DSCAM: variants seen among roughly 807,000 people sequenced by gnomAD.
DSCAM encodes the protein cell adhesion molecule DSCAM.
In DSCAM, 47 loss-of-function variants were observed where a neutral mutation model predicts 217.7. The ratio of observed to expected loss-of-function variants is 0.22; its 90% CI spans 0.17 to 0.28. DSCAM has a LOEUF of 0.28. Ranked by LOEUF, DSCAM falls within the 10% of genes least tolerant of loss-of-function variation. DSCAM has a pLI of 1.00. For synonymous variants in DSCAM, 1,056 were observed against 1,015.3 expected, an observed-to-expected ratio of 1.04 and a Z score of -0.76; for missense variants, 2,080 against 2,618.3, an observed-to-expected ratio of 0.79 and a Z score of 4.49.
intron 3 of DSCAM, among the ~76,000 whole-genome samples, chr21:40,488,503 G>A (rs1378290419): frequency 6.6e-6 from 1 of 152,174 alleles, no homozygotes; most frequent in Non-Finnish European, 1.5e-5. Flanking sequence ...TTCAGGGGGA[G>A]AGGTAAGCTT....
chr21:40,332,810 TA>T (rs559192470), intron 8 of DSCAM, among the ~76,000 whole-genome samples: 9 of 151,940 alleles, frequency 5.9e-5, no homozygotes, highest in African/African-American at 1.9e-4. Context: ...ATCTTTGAAA[TA>T]AAAAAAATTG....
At chr21:40,148,630 C>G (rs1174344205) in intron 16 of DSCAM, among the ~76,000 whole-genome samples, 2 of 152,014 alleles carry the variant, frequency 1.3e-5, no homozygotes, top group Non-Finnish European at 2.9e-5. Flanking sequence ...CACCACCAAT[C>G]AATGCTTACC....
intron 3 of DSCAM, among the ~76,000 whole-genome samples, chr21:40,521,901 G>T (rs1230352291): frequency 6.6e-6 from 1 of 152,172 alleles, no homozygotes; most frequent in South Asian, 2.1e-4. Context: ...TGATGGATAT[G>T]CTAATTATCC....
intron 1 of DSCAM, among the ~76,000 whole-genome samples, chr21:40,769,002 A>C (rs2091421089): frequency 6.6e-6 from 1 of 152,228 alleles, no homozygotes; most frequent in Non-Finnish European, 1.5e-5. Flanking sequence ...AGGGTGAAGT[A>C]GTATGGTGAC....
chr21:40,344,618 A>C (rs957517869), intron 6 of DSCAM, among the ~76,000 whole-genome samples: 2 of 152,218 alleles, frequency 1.3e-5, no homozygotes, highest in Non-Finnish European at 2.9e-5. Flanking sequence ...GTCCTCCAAA[A>C]TATCCGATGA....
intron 11 of DSCAM, among the ~76,000 whole-genome samples, chr21:40,233,544 G>A (rs73225020): frequency 0.011 from 1,743 of 152,126 alleles, 16 homozygotes; most frequent in Middle Eastern, 0.024. Context: ...AACACATTAC[G>A]TATGCTGTTG....
chr21:40,762,150 C>T (rs998530456), intron 1 of DSCAM, among the ~76,000 whole-genome samples: 2 of 151,800 alleles, frequency 1.3e-5, no homozygotes, highest in Non-Finnish European at 2.9e-5. Flanking sequence ...AAAACACCTT[C>T]AAAAAATTAA....
chr21:40,320,115 G>A (rs1392043804), intron 8 of DSCAM, among the ~76,000 whole-genome samples: 1 of 152,156 alleles, frequency 6.6e-6, no homozygotes, highest in Admixed American at 6.5e-5. Flanking sequence ...GTGATGGGTT[G>A]AGAGGTGCAG....
At chr21:40,154,463 A>G (rs1218019397) in intron 16 of DSCAM, among the ~76,000 whole-genome samples, 1 of 152,052 alleles carries the variant, frequency 6.6e-6, no homozygotes, top group Non-Finnish European at 1.5e-5. Context: ...CATGTTGCCC[A>G]GGCTGGTCTC....
At chr21:40,096,348 C>T (rs1366901604) in intron 20 of DSCAM, among the ~76,000 whole-genome samples, 1 of 152,112 alleles carries the variant, frequency 6.6e-6, no homozygotes, top group Non-Finnish European at 1.5e-5. Flanking sequence ...AAGCTGTGCT[C>T]GGACCACCTT....
intron 3 of DSCAM, among the ~76,000 whole-genome samples, chr21:40,619,987 A>AAGAAAGAG (rs2089459837): frequency 6.9e-6 from 1 of 144,968 alleles, no homozygotes; most frequent in South Asian, 2.2e-4. Flanking sequence ...AAGAAAAAGA[A>AAGAAAGAG]AGAGAGAGAG....
intron 3 of DSCAM, among the ~76,000 whole-genome samples, chr21:40,550,201 G>A (rs1423290349): frequency 1.3e-5 from 2 of 152,080 alleles, no homozygotes; most frequent in Non-Finnish European, 2.9e-5. Context: ...CTGCCTCCCA[G>A]GGCTTTCTGC....
At chr21:40,428,128 C>T (rs892720758) in intron 3 of DSCAM, among the ~76,000 whole-genome samples, 1 of 152,022 alleles carries the variant, frequency 6.6e-6, no homozygotes, top group African/African-American at 2.4e-5. Context: ...TGTTCAACAC[C>T]AAAGCTCATC....
intron 11 of DSCAM, among the ~76,000 whole-genome samples, chr21:40,207,964 C>A (rs1236589537): frequency 6.6e-6 from 1 of 152,170 alleles, no homozygotes; most frequent in Non-Finnish European, 1.5e-5. Flanking sequence ...CTAATTTTAC[C>A]TTAATCACCT....
intron 3 of DSCAM, among the ~76,000 whole-genome samples, chr21:40,484,216 G>C (rs140359991): frequency 3.3e-5 from 5 of 152,260 alleles, no homozygotes; most frequent in African/African-American, 1.2e-4. Flanking sequence ...CAAATATATT[G>C]TCCGGCAGAA....
intron 3 of DSCAM, among the ~76,000 whole-genome samples, chr21:40,570,028 T>G (rs1311827239): frequency 6.6e-6 from 1 of 152,174 alleles, no homozygotes; most frequent in African/African-American, 2.4e-5. Flanking sequence ...ATTCCCCAAG[T>G]ACCCTGCAGT....
intron 3 of DSCAM, among the ~76,000 whole-genome samples, chr21:40,569,523 G>A (rs1016124414): frequency 6.6e-6 from 1 of 152,216 alleles, no homozygotes; most frequent in Non-Finnish European, 1.5e-5. Flanking sequence ...CTGCCTGGGA[G>A]TTCTAGCCAG....
chr21:40,044,074 C>T lies in DSCAM; in HGVS notation c.5383+4G>A. ...GGGACGGAGGAGGCAGCGTCAGGGC[C>T]TACCTGTGTCTTGCGAGGGGCTGAC... On this transcript the variant is annotated splice_donor_region_variant and intron_variant, in intron 31 of 32. Transcript: ENST00000400454. 6.2e-7 allele frequency: 1 copy of T among 1,613,232 alleles called. No homozygotes were observed. Among genetic ancestry groups the T allele is most frequent in the Non-Finnish European group, 8.5e-7 (1 of 1,180,022 alleles).
intron 3 of DSCAM, among the ~76,000 whole-genome samples, chr21:40,639,679 A>G (rs1397443379): frequency 8.6e-6 from 1 of 116,200 alleles, no homozygotes; most frequent in Non-Finnish European, 1.9e-5. Context: ...GTGTATGTGT[A>G]TGTGTGTGCA....
Sources: gnomAD v4.1 joint callset for allele counts (sites outside exome capture counted in the v4.1 genomes callset) on GRCh38, gnomAD v4.1.1 for gene constraint, MANE v1.5 for transcripts, NCBI Gene and HGNC (gene_info 2026-07-23, HGNC 2026-07-21) for gene names.